NR2C2: variants seen among roughly 807,000 people sequenced by gnomAD.
NR2C2 encodes the protein Nuclear hormone receptor TR4.
NR2C2 carries 6 observed loss-of-function variants against 62.9 expected under a neutral mutation model. That is an observed-to-expected ratio of 0.10 (90% CI 0.05 to 0.19). The LOEUF (loss-of-function observed/expected upper bound fraction) is 0.19, where lower values mean the gene tolerates loss of function less well. NR2C2 is among the 10% of genes least tolerant of loss of function. The probability of loss-of-function intolerance (pLI) is 1.00; values close to 1 mark genes in which losing one functional copy is unlikely to be tolerated. For missense variants in NR2C2, 479 were observed against 762.7 expected, an observed-to-expected ratio of 0.63 and a Z score of 4.38; for synonymous variants, 272 against 273.8, an observed-to-expected ratio of 0.99 and a Z score of 0.07.
At chr3:14,993,499 T>G (rs1400680217) in intron 1 of NR2C2, among the ~76,000 whole-genome samples, 3 of 152,082 alleles carry the variant, frequency 2.0e-5, no homozygotes, top group Non-Finnish European at 4.4e-5. Flanking sequence ...GTAAATTTCC[T>G]TCCTTGATGT....
intron 4 of NR2C2, among the ~76,000 whole-genome samples, chr3:15,020,367 C>T (rs1208011426): frequency 6.6e-6 from 1 of 152,240 alleles, no homozygotes; most frequent in African/African-American, 2.4e-5. Context: ...CCCTGAGCCG[C>T]ATCACAAGCC....
chr3:15,015,918 C>T (rs61475603), intron 3 of NR2C2, among the ~76,000 whole-genome samples: 1,927 of 152,258 alleles, frequency 0.013, 46 homozygotes, highest in African/African-American at 0.044. Context: ...TCTCCTGCCT[C>T]AGCCTCCAGA....
chr3:14,994,058 C>T (rs1003307640), intron 1 of NR2C2, among the ~76,000 whole-genome samples: 1 of 152,152 alleles, frequency 6.6e-6, no homozygotes, highest in Non-Finnish European at 1.5e-5. Context: ...TAAGTGCTTA[C>T]CAGGTTCCGG....
chr3:14,981,374 C>T (rs140429560), intron 1 of NR2C2, among the ~76,000 whole-genome samples: 2,084 of 152,104 alleles, frequency 0.014, 21 homozygotes, highest in South Asian at 0.023. Flanking sequence ...AAGGCCAAGG[C>T]GAGTGGATCA....
intron 1 of NR2C2, among the ~76,000 whole-genome samples, chr3:14,994,439 CTTTTTTTT>C (rs4038325): frequency 2.2e-5 from 2 of 89,586 alleles, no homozygotes; most frequent in African/African-American, 4.6e-5. Context: ...TTTATTCATT[CTTTTTTTT>C]TTTTTTTTTT....
intron 1 of NR2C2, among the ~76,000 whole-genome samples, chr3:14,993,828 T>C (rs928282095): frequency 6.6e-6 from 1 of 152,160 alleles, no homozygotes. Flanking sequence ...GGGCTTCTCA[T>C]ATCAAGGGAA....
intron 4 of NR2C2, among the ~76,000 whole-genome samples, chr3:15,018,678 A>G (rs1031939813): frequency 6.6e-6 from 1 of 152,208 alleles, no homozygotes; most frequent in Non-Finnish European, 1.5e-5. Flanking sequence ...AGCCTGACCA[A>G]CGTGGCAAAA....
At chr3:14,985,118 T>C (rs1446929092) in intron 1 of NR2C2, among the ~76,000 whole-genome samples, 3 of 152,190 alleles carry the variant, frequency 2.0e-5, no homozygotes, top group Admixed American at 6.5e-5. Context: ...TTGCCTATTA[T>C]TAAAATTGAG....
chr3:14,997,853 A>G (rs1282480909), intron 1 of NR2C2, among the ~76,000 whole-genome samples: 2 of 152,218 alleles, frequency 1.3e-5, no homozygotes, highest in Non-Finnish European at 1.5e-5. Flanking sequence ...GTTTTAGTAC[A>G]TTCACAAGAG....
intron 4 of NR2C2, 100 bp downstream of exon 4, chr3:15,016,354 G>A (rs943315006): frequency 1.3e-6 from 1 of 788,078 alleles, no homozygotes; most frequent in Non-Finnish European, 2.1e-6. Context: ...ACCATTTTAT[G>A]TACGTTTGTA....
chr3:14,967,848 T>C (rs1187215331), intron 1 of NR2C2, among the ~76,000 whole-genome samples: 1 of 152,136 alleles, frequency 6.6e-6, no homozygotes, highest in African/African-American at 2.4e-5. Context: ...TCTACAACTA[T>C]CTTATCTTTG....
At chr3:14,967,414 T>A (rs546584295) in intron 1 of NR2C2, among the ~76,000 whole-genome samples, 31 of 152,170 alleles carry the variant, frequency 2.0e-4, no homozygotes, top group African/African-American at 7.0e-4. Flanking sequence ...GGCTAGAATA[T>A]AAAAATCAGA....
intron 1 of NR2C2, among the ~76,000 whole-genome samples, chr3:14,980,334 TG>T (rs1006139051): frequency 1.4e-5 from 2 of 147,008 alleles, no homozygotes; most frequent in Admixed American, 1.4e-4. Flanking sequence ...AAAAAAAAAA[TG>T]TTTTTTTGGT....
chr3:15,040,958 C>T (rs1382179343), intron 13 of NR2C2, among the ~76,000 whole-genome samples: 1 of 152,140 alleles, frequency 6.6e-6, no homozygotes, highest in Admixed American at 6.5e-5. Context: ...ACAGCACACT[C>T]GAGAATCACT....
rs956124352 is a variant in NR2C2 at position 15,043,253 on chromosome 3, A to G, written c.*245A>G. The G allele has an allele frequency of 6.1e-6, 2 of 327,732 alleles. No individual in the cohort carries two copies. Among genetic ancestry groups the G allele is most frequent in the African/African-American group, 2.1e-5 (1 of 47,016 alleles). 20.3% of individuals were successfully genotyped at this position (327,732 alleles called of 1,614,324 possible). A position where few individuals can be genotyped will look rare whatever the true frequency, so the allele number is the denominator to read the frequency against. ...GATTTTGGAACAATCTTTTAACTCAATTTGTATTTAGAAATTCTCAAAGGG... is the reference window on the plus strand; with the variant it reads ...GATTTTGGAACAATCTTTTAACTCAGTTTGTATTTAGAAATTCTCAAAGGG... On this transcript the variant is annotated 3_prime_UTR_variant, in exon 14 of 14. Transcript: ENST00000425241.
At chr3:15,013,922 G>T in intron 3 of NR2C2, 133 bp downstream of exon 3, 2 of 876,332 alleles carry the variant, frequency 2.3e-6, no homozygotes, top group Non-Finnish European at 3.6e-6. Context: ...ATGGCAGGTT[G>T]CTGCTTTGGC....
chr3:14,964,173 T>C (rs1173978387), intron 1 of NR2C2, among the ~76,000 whole-genome samples: 1 of 152,164 alleles, frequency 6.6e-6, no homozygotes, highest in Admixed American at 6.5e-5. Context: ...GGCATATTTC[T>C]GGTCAAAAAA....
At position 15,016,491 on chromosome 3, in the gene NR2C2, G is replaced by A. The variant is rs142789552; in HGVS notation, c.376+237G>A. Among the ~76,000 whole-genome samples the A allele has an allele frequency of 5.1e-3, 778 of 152,296 alleles. 11 individuals are homozygous for A. The highest frequency in any genetic ancestry group is 6.8e-3 in the Non-Finnish European group (461 of 68,024). ...TTTCTGTGATTTGTAAATCTTGGTTGAGTGTGTAGTATTTATGTGCTGCTA... is the reference window on the plus strand; with the variant it reads ...TTTCTGTGATTTGTAAATCTTGGTTAAGTGTGTAGTATTTATGTGCTGCTA... On this transcript the variant is annotated intron_variant, in intron 4 of 13. Coordinates refer to ENST00000425241, the MANE Select transcript of NR2C2 (RefSeq NM_001291694.2).
intron 2 of NR2C2, among the ~76,000 whole-genome samples, chr3:15,005,277 C>CA (rs1303513577): frequency 6.6e-6 from 1 of 150,566 alleles, no homozygotes; most frequent in African/African-American, 2.5e-5. Context: ...GCCTCTACCT[C>CA]AGAGGCTCAA....
Sources: allele counts gnomAD v4.1 joint callset (sites outside exome capture counted in the v4.1 genomes callset), GRCh38; gene constraint gnomAD v4.1.1; transcripts MANE v1.5; gene names NCBI Gene and HGNC (gene_info 2026-07-23, HGNC 2026-07-21).